The following NCKAP5 variants were observed in gnomAD, a reference collection of about 807,000 sequenced individuals.
NCKAP5 encodes the protein nck-associated protein 5.
Under a neutral mutation model 167.0 loss-of-function variants are expected in NCKAP5, and 92 were observed. The ratio of observed to expected loss-of-function variants is 0.55; its 90% confidence interval spans 0.47 to 0.66. The LOEUF (loss-of-function observed/expected upper bound fraction) is 0.66, where lower values mean the gene tolerates loss of function less well. Ranked by LOEUF, NCKAP5 falls within the 30% of genes least tolerant of loss-of-function variation. NCKAP5 has a pLI of 0.00. For missense variants in NCKAP5, 2,378 were observed against 2,315.0 expected (o/e 1.03, Z -0.56); for synonymous variants, 891 against 877.4 (o/e 1.02, Z -0.27).
intron 15 of NCKAP5, among the ~76,000 whole-genome samples, chr2:132,774,541 T>C (rs1682382790): frequency 6.6e-6 from 1 of 151,976 alleles, no homozygotes; most frequent in Non-Finnish European, 1.5e-5. Flanking sequence ...GGCACTAGAT[T>C]GGGCAGCATC....
At chr2:133,058,342 C>T (rs2079873926) in intron 6 of NCKAP5, among the ~76,000 whole-genome samples, 1 of 152,130 alleles carries the variant, frequency 6.6e-6, no homozygotes, top group Non-Finnish European at 1.5e-5. Flanking sequence ...ATAGTGATTC[C>T]TCTGATCCAT....
intron 6 of NCKAP5, among the ~76,000 whole-genome samples, chr2:133,112,852 C>T (rs1201482630): frequency 6.6e-6 from 1 of 152,226 alleles, no homozygotes; most frequent in East Asian, 1.9e-4. Context: ...GTGGAGCAGA[C>T]TGTCTCATAG....
intron 5 of NCKAP5, among the ~76,000 whole-genome samples, chr2:133,160,497 C>G (rs1227639020): frequency 6.1e-5 from 9 of 146,896 alleles, no homozygotes; most frequent in Non-Finnish European, 1.2e-4. Flanking sequence ...AATCAGGCAG[C>G]CCTTAGGATC....
At chr2:133,496,677 G>GAATCA (rs1681978579) in intron 3 of NCKAP5, among the ~76,000 whole-genome samples, 6 of 152,130 alleles carry the variant, frequency 3.9e-5, no homozygotes, top group Non-Finnish European at 7.3e-5. Context: ...GAAACTCTGG[G>GAATCA]GTTAGAGCCA....
At chr2:132,823,777 A>T (rs2105332386) in intron 11 of NCKAP5, among the ~76,000 whole-genome samples, 1 of 152,316 alleles carries the variant, frequency 6.6e-6, no homozygotes, top group African/African-American at 2.4e-5. Context: ...AATGGATAAA[A>T]ATCCATCAAC....
intron 2 of NCKAP5, among the ~76,000 whole-genome samples, chr2:133,555,210 C>T (rs1687654558): frequency 1.3e-5 from 2 of 152,158 alleles, no homozygotes; most frequent in Admixed American, 1.3e-4. Flanking sequence ...TTCTTTCTTC[C>T]ACCGACTAAC....
intron 6 of NCKAP5, among the ~76,000 whole-genome samples, chr2:133,061,606 T>A (rs771008686): frequency 3.9e-5 from 6 of 152,218 alleles, no homozygotes; most frequent in Non-Finnish European, 8.8e-5. Context: ...CAGCTAGGAC[T>A]TGAACTTAGG....
chr2:133,143,776 G>C (rs768690665), intron 5 of NCKAP5, among the ~76,000 whole-genome samples: 1 of 151,656 alleles, frequency 6.6e-6, no homozygotes, highest in Non-Finnish European at 1.5e-5. Flanking sequence ...CTGAACCCTT[G>C]CAACAATACT....
chr2:133,424,562 G>A (rs1689674890), intron 3 of NCKAP5, among the ~76,000 whole-genome samples: 1 of 152,118 alleles, frequency 6.6e-6, no homozygotes, highest in African/African-American at 2.4e-5. Flanking sequence ...AAAATAAAAT[G>A]TTTTCATTAA....
intron 2 of NCKAP5, among the ~76,000 whole-genome samples, chr2:133,526,015 G>A (rs528160706): frequency 2.0e-5 from 3 of 152,160 alleles, no homozygotes; most frequent in Admixed American, 1.3e-4. Context: ...TACCGGAGTA[G>A]ATACTCTGTT....
chr2:133,572,813 A>C (rs2105073941), upstream of NCKAP5, among the ~76,000 whole-genome samples: 2 of 152,300 alleles, frequency 1.3e-5, no homozygotes, highest in Middle Eastern at 6.8e-3. Flanking sequence ...TGTGAGTCTC[A>C]AGGGGCCTTG....
intron 3 of NCKAP5, among the ~76,000 whole-genome samples, chr2:133,437,125 G>A (rs896364690): frequency 6.6e-6 from 1 of 152,048 alleles, no homozygotes; most frequent in Non-Finnish European, 1.5e-5. Context: ...ACGTCGAGGC[G>A]GGCGGATCAC....
chr2:132,956,163 T>C (rs377520821), intron 8 of NCKAP5, among the ~76,000 whole-genome samples: 1 of 152,210 alleles, frequency 6.6e-6, no homozygotes, highest in Admixed American at 6.5e-5. Context: ...TTATTACATG[T>C]TGTATTATCA....
At chr2:133,600,380 T>G in the NCKAP5 span, among the ~76,000 whole-genome samples, 2 of 151,974 alleles carry the variant, frequency 1.3e-5, no homozygotes, top group Admixed American at 6.5e-5. Context: ...GAGAGAGAAG[T>G]TGGCCTCTAG....
At chr2:133,653,518 C>A in the NCKAP5 span, among the ~76,000 whole-genome samples, 1 of 152,172 alleles carries the variant, frequency 6.6e-6, no homozygotes, top group Non-Finnish European at 1.5e-5. Flanking sequence ...CAAAAATAAA[C>A]ATGAGTCTAT....
At chr2:133,098,034 T>C (rs1159664497) in intron 6 of NCKAP5, among the ~76,000 whole-genome samples, 1 of 152,250 alleles carries the variant, frequency 6.6e-6, no homozygotes, top group Non-Finnish European at 1.5e-5. Flanking sequence ...AAAAGTTGCA[T>C]ATGTTTAGAA....
intron 7 of NCKAP5, among the ~76,000 whole-genome samples, chr2:132,981,293 G>C (rs2077133880): frequency 6.6e-6 from 1 of 152,122 alleles, no homozygotes; most frequent in Non-Finnish European, 1.5e-5. Context: ...AACCTGGTTT[G>C]ACACTTGGTG....
At chr2:133,032,605 G>T (rs1402576742) in intron 6 of NCKAP5, among the ~76,000 whole-genome samples, 1 of 152,218 alleles carries the variant, frequency 6.6e-6, no homozygotes, top group Non-Finnish European at 1.5e-5. Context: ...AGCCCCAAGG[G>T]CTTTGAGAAG....
At position 133,175,136 on chromosome 2, in the gene NCKAP5, C is replaced by A. The variant is rs945188758; in HGVS notation, c.207+38580G>T. ...AACTACTGAACTTTTTTTTCATATG[C>A]CCAGGGGTCATCTGTATATAACTTT... On this transcript the variant is annotated intron_variant, in intron 5 of 19. Transcript: ENST00000409261. Among the ~76,000 whole-genome samples, 7 of 151,980 alleles carry A rather than the reference C, an allele frequency of 4.6e-5. No individual in the cohort carries two copies. The South Asian group carries it at 1.2e-3, about 27-fold the overall frequency.
Sources: allele counts gnomAD v4.1 joint callset (sites outside exome capture counted in the v4.1 genomes callset), GRCh38; gene constraint gnomAD v4.1.1; transcripts MANE v1.5; gene names NCBI Gene and HGNC (gene_info 2026-07-23, HGNC 2026-07-21).